HRH1: variants seen among roughly 807,000 people sequenced by gnomAD.
The protein encoded by HRH1 is histamine H1 receptor.
A neutral mutation model predicts 10.3 loss-of-function variants in HRH1; 6 were observed. That is an observed-to-expected ratio of 0.58 (90% CI 0.32 to 1.15). The LOEUF (loss-of-function observed/expected upper bound fraction) is 1.15. Among genes scored for constraint, HRH1 ranks in the 50% most tolerant of loss-of-function variants. HRH1 has a pLI of 0.05. For missense variants in HRH1, 514 were observed against 615.3 expected (o/e 0.84, Z 1.74); for synonymous variants, 242 against 236.7 (o/e 1.02, Z -0.21).
At chr3:11,168,258 A>T (rs1937086251) in intron 1 of HRH1, among the ~76,000 whole-genome samples, 1 of 152,142 alleles carries the variant, frequency 6.6e-6, no homozygotes, top group Admixed American at 6.5e-5. Flanking sequence ...TAGGAGATGG[A>T]GTCAGAGGTC....
chr3:11,167,744 T>C (rs148355126), intron 1 of HRH1, among the ~76,000 whole-genome samples: 30 of 152,346 alleles, frequency 2.0e-4, no homozygotes, highest in African/African-American at 6.5e-4. Flanking sequence ...GCCCTGTAAA[T>C]AGCCTGTGAA....
chr3:11,181,210 G>A (rs192743368), intron 1 of HRH1, among the ~76,000 whole-genome samples: 13 of 152,258 alleles, frequency 8.5e-5, no homozygotes, highest in African/African-American at 2.4e-4. Flanking sequence ...TCCTGATCCC[G>A]GGAGGTTGAG....
At chr3:11,141,356 T>C (rs1313420341) in intron 1 of HRH1, among the ~76,000 whole-genome samples, 6 of 152,250 alleles carry the variant, frequency 3.9e-5, no homozygotes, top group African/African-American at 1.4e-4. Context: ...GCATAATGAA[T>C]CACCCCAACA....
At chr3:11,250,384 C>T (rs903595463) in intron 1 of HRH1, among the ~76,000 whole-genome samples, 2 of 151,820 alleles carry the variant, frequency 1.3e-5, no homozygotes, top group South Asian at 2.1e-4. Context: ...GTTACATTTT[C>T]GGGGGTAGGT....
intron 1 of HRH1, chr3:11,234,359 T>C: frequency 6.3e-7 from 1 of 1,597,056 alleles, no homozygotes; most frequent in South Asian, 1.1e-5. Flanking sequence ...ATCCTCATCC[T>C]CTTGGGGATA....
chr3:11,150,571 G>T (rs1256508212), upstream of HRH1, among the ~76,000 whole-genome samples: 2 of 152,252 alleles, frequency 1.3e-5, no homozygotes, highest in Non-Finnish European at 2.9e-5. Context: ...GGACCTTAAG[G>T]GCTTTGTGAT....
At chr3:11,172,943 C>T (rs1232438088) in intron 1 of HRH1, among the ~76,000 whole-genome samples, 3 of 152,056 alleles carry the variant, frequency 2.0e-5, no homozygotes, top group African/African-American at 7.2e-5. Flanking sequence ...GTGATCCACC[C>T]GTCTCGGCCT....
intron 1 of HRH1, among the ~76,000 whole-genome samples, chr3:11,213,242 T>A (rs1938385193): frequency 6.6e-6 from 1 of 152,244 alleles, no homozygotes; most frequent in Non-Finnish European, 1.5e-5. Flanking sequence ...AGACTTTGAC[T>A]AGCACATTAT....
chr3:11,220,691 T>A (rs1288291254), intron 1 of HRH1, among the ~76,000 whole-genome samples: 1 of 152,232 alleles, frequency 6.6e-6, no homozygotes, highest in Non-Finnish European at 1.5e-5. Context: ...TTTATCGGGC[T>A]GCGCTGAACT....
Position 11,202,645 on chromosome 3 carries a change from C to T in HRH1, c.-36+48091C>T, listed in dbSNP as rs148659370. ...GTCTTAGGGTCACAGCAAAATTCTGCTGAAGATATAGAGATTTACATGTAC... is the reference window on the plus strand; with the variant it reads ...GTCTTAGGGTCACAGCAAAATTCTGTTGAAGATATAGAGATTTACATGTAC... On this transcript the variant is annotated intron_variant, in intron 1 of 1. Coordinates refer to ENST00000431010, the MANE Select transcript of HRH1 (RefSeq NM_001098212.2). Among the ~76,000 whole-genome samples the T allele has an allele frequency of 1.7e-4, 26 of 152,174 alleles. No individual in the cohort carries two copies. In the East Asian group the frequency reaches 5.0e-3, roughly 29 times the overall value.
At chr3:11,143,942 T>TA (rs926149151) in intron 1 of HRH1, among the ~76,000 whole-genome samples, 14 of 152,030 alleles carry the variant, frequency 9.2e-5, no homozygotes, top group African/African-American at 3.1e-4. Context: ...CAAAAAAATA[T>TA]AAAAAAATGC....
intron 1 of HRH1, among the ~76,000 whole-genome samples, chr3:11,215,270 T>C (rs1272891695): frequency 1.3e-5 from 2 of 152,246 alleles, no homozygotes; most frequent in East Asian, 1.9e-4. Context: ...CACCTTATTG[T>C]GTCATGTGTA....
chr3:11,184,592 G>C (rs582588), intron 1 of HRH1, among the ~76,000 whole-genome samples: 68,280 of 151,876 alleles, frequency 0.45, 16,626 homozygotes, highest in East Asian at 0.66. Context: ...AACACGCCGA[G>C]ATAATGATTT....
intron 1 of HRH1, among the ~76,000 whole-genome samples, chr3:11,146,351 G>T (rs1936444293): frequency 6.6e-6 from 1 of 152,146 alleles, no homozygotes; most frequent in African/African-American, 2.4e-5. Context: ...TTGTCTTGAG[G>T]CTACTGTCCT....
intron 1 of HRH1, chr3:11,234,647 T>C: frequency 7.4e-7 from 1 of 1,349,402 alleles, no homozygotes; most frequent in Non-Finnish European, 1.1e-6. Context: ...ATAAATATGA[T>C]TCGATCCTTC....
chr3:11,138,022 T>C (rs930552528), intron 1 of HRH1, among the ~76,000 whole-genome samples: 16 of 151,926 alleles, frequency 1.1e-4, no homozygotes, highest in African/African-American at 3.9e-4. Context: ...CACAAGGAAC[T>C]CTTTTTTTTT....
At chr3:11,171,804 T>C (rs1559259529) in intron 1 of HRH1, among the ~76,000 whole-genome samples, 1 of 152,236 alleles carries the variant, frequency 6.6e-6, no homozygotes, top group South Asian at 2.1e-4. Context: ...CCTGTGTTCC[T>C]TGGTGACATG....
At chr3:11,170,997 T>G (rs143211351) in intron 1 of HRH1, among the ~76,000 whole-genome samples, 4 of 152,304 alleles carry the variant, frequency 2.6e-5, no homozygotes, top group Non-Finnish European at 5.9e-5. Context: ...CCTTTCATAA[T>G]TAGGGATCGC....
At chr3:11,244,404 T>A (rs1939427771) in intron 1 of HRH1, among the ~76,000 whole-genome samples, 1 of 152,174 alleles carries the variant, frequency 6.6e-6, no homozygotes, top group Admixed American at 6.5e-5. Context: ...AGTTCTAGTC[T>A]TAGACATGAG....
Sources: gnomAD v4.1 joint callset for allele counts (sites outside exome capture counted in the v4.1 genomes callset) on GRCh38, gnomAD v4.1.1 for gene constraint, MANE v1.5 for transcripts, NCBI Gene and HGNC (gene_info 2026-07-23, HGNC 2026-07-21) for gene names.